CNTN4: variants seen among roughly 807,000 people sequenced by gnomAD.
The protein encoded by CNTN4 is contactin-4.
A neutral mutation model predicts 122.5 loss-of-function variants in CNTN4; 77 were observed. The observed-to-expected ratio is 0.63, with a 90% confidence interval of 0.52 to 0.76. The LOEUF is 0.76. Among genes scored for constraint, CNTN4 ranks in the 30% least tolerant of loss-of-function variants. The pLI, the probability that CNTN4 is intolerant of heterozygous loss-of-function variation, is 0.00. For missense variants in CNTN4, 1,256 were observed against 1,259.1 expected, an observed-to-expected ratio of 1.00 and a Z score of 0.04; for synonymous variants, 512 against 447.0, an observed-to-expected ratio of 1.15 and a Z score of -1.83.
intron 3 of CNTN4, among the ~76,000 whole-genome samples, chr3:2,464,815 G>A (rs1246177742): frequency 6.6e-6 from 1 of 152,334 alleles, no homozygotes; most frequent in East Asian, 1.9e-4. Flanking sequence ...CCAGGACTGA[G>A]GTTATTTTGT....
intron 2 of CNTN4, among the ~76,000 whole-genome samples, chr3:2,179,610 T>C (rs558334483): frequency 6.6e-5 from 10 of 152,152 alleles, no homozygotes; most frequent in Admixed American, 5.2e-4. Context: ...TTTATTTTTC[T>C]CATAGTACTC....
At chr3:2,834,953 G>GGA (rs1338920618) in intron 7 of CNTN4, among the ~76,000 whole-genome samples, 1 of 112,986 alleles carries the variant, frequency 8.9e-6, no homozygotes, top group Admixed American at 1.2e-4. Context: ...CGCCCAGGCT[G>GGA]GAGTGCAGTG....
Position 2,426,588 on chromosome 3 carries a change from A to G in CNTN4, c.-89+87355A>G, listed in dbSNP as rs191166810. Among the ~76,000 whole-genome samples, 331 of 152,324 alleles carry G rather than the reference A, an allele frequency of 2.2e-3. 5 individuals are homozygous for G. Among genetic ancestry groups the G allele is most frequent in the Admixed American group, 0.02 (307 of 15,304 alleles). On this transcript the variant is annotated intron_variant, in intron 3 of 24. Coordinates refer to ENST00000418658, the MANE Select transcript of CNTN4 (RefSeq NM_175607.3). The stretch of plus-strand genomic sequence containing the variant: ...ATCAGGATGATGCTGGCCTCATAAA[A>G]TGAGTTAGGGAGGATTCCTTCTTTT...
chr3:2,990,358 T>C (rs1372878090), intron 14 of CNTN4, among the ~76,000 whole-genome samples: 1 of 152,164 alleles, frequency 6.6e-6, no homozygotes, highest in East Asian at 1.9e-4. Flanking sequence ...ATAGAATAAT[T>C]AGCATAGAGA....
intron 3 of CNTN4, among the ~76,000 whole-genome samples, chr3:2,366,138 T>C (rs1325265103): frequency 3.3e-5 from 5 of 152,210 alleles, no homozygotes; most frequent in Non-Finnish European, 7.3e-5. Flanking sequence ...TCAATTATAC[T>C]ACTTTCTCTA....
At chr3:2,490,541 G>A (rs1472240732) in intron 3 of CNTN4, among the ~76,000 whole-genome samples, 1 of 152,148 alleles carries the variant, frequency 6.6e-6, no homozygotes, top group Non-Finnish European at 1.5e-5. Flanking sequence ...GCATGTCTCC[G>A]GGTATGGTGG....
chr3:2,321,805 T>C (rs892847064), intron 2 of CNTN4, among the ~76,000 whole-genome samples: 1 of 152,116 alleles, frequency 6.6e-6, no homozygotes, highest in African/African-American at 2.4e-5. Flanking sequence ...TGGGTATTCC[T>C]GTTATAAGAG....
chr3:2,756,501 T>G (rs755694434), intron 6 of CNTN4, among the ~76,000 whole-genome samples: 1 of 152,220 alleles, frequency 6.6e-6, no homozygotes, highest in Non-Finnish European at 1.5e-5. Context: ...TCTGTTAAGT[T>G]TCCCAGTCTA....
At chr3:2,728,941 T>C (rs1360615014) in intron 4 of CNTN4, among the ~76,000 whole-genome samples, 1 of 152,236 alleles carries the variant, frequency 6.6e-6, no homozygotes, top group Non-Finnish European at 1.5e-5. Flanking sequence ...TTGGCTGTTA[T>C]GGCAGCACTT....
chr3:2,283,259 G>A (rs974558569), intron 2 of CNTN4, among the ~76,000 whole-genome samples: 2 of 152,096 alleles, frequency 1.3e-5, no homozygotes, highest in African/African-American at 4.8e-5. Flanking sequence ...GAAGAGCATT[G>A]TAAGTCTCAA....
intron 2 of CNTN4, among the ~76,000 whole-genome samples, chr3:2,113,435 A>C (rs2033110093): frequency 6.6e-6 from 1 of 152,200 alleles, no homozygotes; most frequent in Non-Finnish European, 1.5e-5. Context: ...GCTTGTGAGA[A>C]ATGCAGAAAT....
At chr3:2,595,380 T>C (rs569838701) in intron 4 of CNTN4, among the ~76,000 whole-genome samples, 13 of 152,320 alleles carry the variant, frequency 8.5e-5, no homozygotes, top group Admixed American at 7.2e-4. Flanking sequence ...ATGCATGGCC[T>C]AGAGAAAAGG....
At position 2,361,534 on chromosome 3, in the gene CNTN4, G is replaced by A. The variant is rs184580669; in HGVS notation, c.-89+22301G>A. On this transcript the variant is annotated intron_variant, in intron 3 of 24. Transcript: ENST00000418658. The stretch of plus-strand genomic sequence containing the variant: ...CTGTACTATACCCTGGGGTCATTCT[G>A]TGACTTTGGCATTGTTAGCTCATAC... Among the ~76,000 whole-genome samples, 401 of 152,250 alleles carry A rather than the reference G, an allele frequency of 2.6e-3. 2 individuals are homozygous for A. The highest frequency in any genetic ancestry group is 4.6e-3 in the Non-Finnish European group (316 of 68,026).
intron 2 of CNTN4, among the ~76,000 whole-genome samples, chr3:2,124,474 C>CACG (rs1559265723): frequency 9.3e-6 from 1 of 107,596 alleles, no homozygotes; most frequent in African/African-American, 3.5e-5. Context: ...ACACACACAC[C>CACG]CCCTTAAGCA....
At chr3:2,568,232 C>G (rs2079261116) in intron 3 of CNTN4, among the ~76,000 whole-genome samples, 1 of 146,034 alleles carries the variant, frequency 6.8e-6, no homozygotes, top group African/African-American at 2.5e-5. Context: ...TTGTTTTCAG[C>G]ACTTTGTACT....
intron 4 of CNTN4, among the ~76,000 whole-genome samples, chr3:2,652,568 A>T (rs2150207694): frequency 6.6e-6 from 1 of 152,272 alleles, no homozygotes; most frequent in South Asian, 2.1e-4. Context: ...GGGAGAGAAG[A>T]GAGAAAAGAC....
chr3:2,406,026 T>TA (rs1485026216), intron 3 of CNTN4, among the ~76,000 whole-genome samples: 16 of 148,166 alleles, frequency 1.1e-4, no homozygotes, highest in African/African-American at 3.2e-4. Context: ...GAGCTTATCT[T>TA]AAAAAAAAGA....
At chr3:2,807,972 G>A (rs749432247) in intron 6 of CNTN4, among the ~76,000 whole-genome samples, 18 of 152,158 alleles carry the variant, frequency 1.2e-4, no homozygotes, top group Non-Finnish European at 2.1e-4. Flanking sequence ...TTTCATTTGC[G>A]AGTAGGAAGT....
chr3:2,830,573 A>G (rs979465359), intron 7 of CNTN4, among the ~76,000 whole-genome samples: 1 of 152,192 alleles, frequency 6.6e-6, no homozygotes, highest in African/African-American at 2.4e-5. Flanking sequence ...AGATGTGAAA[A>G]ACACATTACA....
Sources: allele counts gnomAD v4.1 joint callset (sites outside exome capture counted in the v4.1 genomes callset), GRCh38; gene constraint gnomAD v4.1.1; transcripts MANE v1.5; gene names NCBI Gene and HGNC (gene_info 2026-07-23, HGNC 2026-07-21).